Variants in HYCC2 observed in about 807,000 individuals in gnomAD.
HYCC2 encodes the protein hyccin PI4KA lipid kinase complex subunit 2, also known as hyccin 2.
the HYCC2 span, chr2:201,061,438 T>A: frequency 4.0e-5 from 6 of 151,318 alleles, no homozygotes; most frequent in African/African-American, 4.9e-5. Context: ...AAAAAAAAAA[T>A]AAAATAAAAT....
At chr2:201,024,073 A>G in the HYCC2 span, 59 of 1,196,694 alleles carry the variant, frequency 4.9e-5, no homozygotes, top group Non-Finnish European at 7.1e-5. Context: ...TGAGGACAGT[A>G]GTACTTATAG....
the HYCC2 span, chr2:201,061,176 C>A: frequency 6.6e-6 from 1 of 151,812 alleles, no homozygotes; most frequent in Non-Finnish European, 1.5e-5. Flanking sequence ...GTGGCTCATG[C>A]CCGTAATCCC....
the HYCC2 span, among the ~76,000 whole-genome samples, chr2:201,032,572 T>C: frequency 6.6e-6 from 1 of 152,222 alleles, no homozygotes. Context: ...CAATTTCCAA[T>C]TAATTCCTAC....
At chr2:200,982,376 A>C in the HYCC2 span, among the ~76,000 whole-genome samples, 1 of 152,140 alleles carries the variant, frequency 6.6e-6, no homozygotes, top group Non-Finnish European at 1.5e-5. Flanking sequence ...AACTATAATA[A>C]AATTTTATAT....
the HYCC2 span, among the ~76,000 whole-genome samples, chr2:201,019,418 C>T: frequency 4.8e-3 from 730 of 152,136 alleles, 6 homozygotes; most frequent in African/African-American, 0.017. Context: ...TGTTGGCAAT[C>T]CAGTAAGTTT....
the HYCC2 span, among the ~76,000 whole-genome samples, chr2:201,055,067 G>A: frequency 2.0e-5 from 3 of 152,098 alleles, no homozygotes; most frequent in African/African-American, 7.2e-5. Context: ...TCTGGATTTC[G>A]TGGCATTTTT....
the HYCC2 span, among the ~76,000 whole-genome samples, chr2:201,060,550 A>C: frequency 6.6e-6 from 1 of 152,364 alleles, no homozygotes; most frequent in African/African-American, 2.4e-5. Flanking sequence ...AGTAGAAGAC[A>C]CATGCTAAAG....
chr2:201,036,016 G>C, the HYCC2 span, among the ~76,000 whole-genome samples: 1 of 152,022 alleles, frequency 6.6e-6, no homozygotes, highest in African/African-American at 2.4e-5. Context: ...GTCCCTACTG[G>C]GGGGGTGCCT....
At chr2:201,059,124 G>A in the HYCC2 span, among the ~76,000 whole-genome samples, 1 of 152,300 alleles carries the variant, frequency 6.6e-6, no homozygotes, top group South Asian at 2.1e-4. Context: ...ACTTTGGACT[G>A]TGTCTGACTG....
At chr2:201,067,687 C>T in the HYCC2 span, among the ~76,000 whole-genome samples, 18 of 152,200 alleles carry the variant, frequency 1.2e-4, no homozygotes, top group Admixed American at 4.6e-4. Flanking sequence ...GTATATATTA[C>T]TGAGTGAATG....
At chr2:201,024,358 G>A in the HYCC2 span, among the ~76,000 whole-genome samples, 1 of 151,828 alleles carries the variant, frequency 6.6e-6, no homozygotes, top group South Asian at 2.1e-4. Flanking sequence ...GCATGGTGGC[G>A]TGCACATCCA....
At chr2:201,033,370 A>ATTTT in the HYCC2 span, among the ~76,000 whole-genome samples, 1 of 148,970 alleles carries the variant, frequency 6.7e-6, no homozygotes, top group African/African-American at 2.5e-5. Flanking sequence ...ATGCTTGGCT[A>ATTTT]ATTTATTTTA....
the HYCC2 span, chr2:200,981,595 G>A: frequency 2.0e-5 from 33 of 1,613,508 alleles, no homozygotes; most frequent in African/African-American, 2.7e-5. The surrounding 1 kb of genome is among the most constrained non-coding windows in gnomAD (Gnocchi z 4.5). Flanking sequence ...CTTCATTGGT[G>A]TCAGCTCAAC....
At chr2:201,026,211 C>T in the HYCC2 span, among the ~76,000 whole-genome samples, 1 of 152,020 alleles carries the variant, frequency 6.6e-6, no homozygotes, top group Non-Finnish European at 1.5e-5. Context: ...TCAAAAGAGA[C>T]AAAGAAGGCC....
chr2:201,038,419 T>G, the HYCC2 span, among the ~76,000 whole-genome samples: 1 of 152,172 alleles, frequency 6.6e-6, no homozygotes, highest in South Asian at 2.1e-4. Context: ...ATATAAACCA[T>G]GCTGCTATAA....
At chr2:201,058,660 C>T in the HYCC2 span, among the ~76,000 whole-genome samples, 1 of 152,162 alleles carries the variant, frequency 6.6e-6, no homozygotes, top group Non-Finnish European at 1.5e-5. Context: ...TCCAAGATTG[C>T]ACCATTGGCC....
the HYCC2 span, among the ~76,000 whole-genome samples, chr2:201,036,248 T>A: frequency 2.0e-5 from 3 of 152,156 alleles, no homozygotes; most frequent in East Asian, 5.8e-4. Flanking sequence ...GAGGCAATAA[T>A]TAATAGCTTA....
At chr2:201,040,911 C>T in the HYCC2 span, among the ~76,000 whole-genome samples, 1 of 152,096 alleles carries the variant, frequency 6.6e-6, no homozygotes, top group African/African-American at 2.4e-5. Flanking sequence ...CTTATGGACC[C>T]CCTTAAAGGA....
chr2:201,033,190 TGTGTGTGAGA>T, the HYCC2 span, among the ~76,000 whole-genome samples: 180 of 142,310 alleles, frequency 1.3e-3, no homozygotes, highest in African/African-American at 4.8e-3. Flanking sequence ...TGTGTGTGTG[TGTGTGTGAGA>T]GAGAGAGAGA....
Sources: gnomAD v4.1 joint callset for allele counts (sites outside exome capture counted in the v4.1 genomes callset) on GRCh38, gnomAD v4.1.1 for gene constraint, Gnocchi (gnomAD v3.1) non-coding constraint, MANE v1.5 for transcripts, NCBI Gene and HGNC (gene_info 2026-07-23, HGNC 2026-07-21) for gene names.